AVL9: variants seen among roughly 807,000 people sequenced by gnomAD.
The protein encoded by AVL9 is late secretory pathway protein AVL9 homolog.
A neutral mutation model predicts 79.2 loss-of-function variants in AVL9; 49 were observed. That is an observed-to-expected ratio of 0.62 (90% CI 0.49 to 0.79). The LOEUF (loss-of-function observed/expected upper bound fraction) is 0.79, where lower values mean the gene tolerates loss of function less well. Among genes scored for constraint, AVL9 ranks in the 30% least tolerant of loss-of-function variants. The pLI, the probability that AVL9 is intolerant of heterozygous loss-of-function variation, is 0.00. For synonymous variants in AVL9, 299 were observed against 280.6 expected, an observed-to-expected ratio of 1.07 and a Z score of -0.65; for missense variants, 682 against 776.8, an observed-to-expected ratio of 0.88 and a Z score of 1.45.
At chr7:32,498,931 AGGCG>A (rs748185883) in intron 1 of AVL9, among the ~76,000 whole-genome samples, 77,708 of 77,730 alleles carry the variant, frequency 1, 38,843 homozygotes, top group Middle Eastern at 1. Flanking sequence ...TGGGAGGCCG[AGGCG>A]GGTGGATCAC....
intron 1 of AVL9, among the ~76,000 whole-genome samples, chr7:32,512,870 C>T (rs1384773451): frequency 2.0e-5 from 3 of 151,984 alleles, no homozygotes; most frequent in Non-Finnish European, 4.4e-5. Context: ...AGAATGAACT[C>T]GCTGATATCA....
chr7:32,504,862 G>A (rs1411722080), intron 1 of AVL9, among the ~76,000 whole-genome samples: 1 of 151,506 alleles, frequency 6.6e-6, no homozygotes, highest in Non-Finnish European at 1.5e-5. Context: ...TGTACACTAA[G>A]ATTTTTTATT....
At chr7:32,555,635 G>A (rs1000963117) in intron 8 of AVL9, among the ~76,000 whole-genome samples, 1 of 152,198 alleles carries the variant, frequency 6.6e-6, no homozygotes, top group African/African-American at 2.4e-5. Context: ...GAGTAGTTGT[G>A]ACAGACCATA....
intron 1 of AVL9, among the ~76,000 whole-genome samples, chr7:32,540,522 T>C (rs1789131908): frequency 6.6e-6 from 1 of 152,190 alleles, no homozygotes; most frequent in South Asian, 2.1e-4. Flanking sequence ...GTCATGCCTG[T>C]GGGAAGTTCA....
At chr7:32,538,528 A>G (rs1302626615) in intron 1 of AVL9, 1 of 151,912 alleles carries the variant, frequency 6.6e-6, no homozygotes, top group Non-Finnish European at 1.5e-5. Flanking sequence ...TATTCTTTTA[A>G]CTTTCTGTAA....
chr7:32,547,356 GAGTT>G (rs1466263343), intron 3 of AVL9, among the ~76,000 whole-genome samples: 5 of 152,178 alleles, frequency 3.3e-5, no homozygotes, highest in African/African-American at 1.2e-4. Flanking sequence ...CTAAAAAATG[GAGTT>G]AGTTATGTTC....
chr7:32,570,399 C>T (rs544448128), intron 11 of AVL9, among the ~76,000 whole-genome samples: 1 of 152,226 alleles, frequency 6.6e-6, no homozygotes, highest in East Asian at 1.9e-4. Context: ...GTGATTTGTA[C>T]AATATCAAAC....
intron 1 of AVL9, among the ~76,000 whole-genome samples, chr7:32,523,150 C>CAAAA (rs59565422): frequency 8.6e-5 from 7 of 81,272 alleles, no homozygotes; most frequent in Non-Finnish European, 1.2e-4. Flanking sequence ...GGTAATTAAC[C>CAAAA]AAAAAAAAAA....
At chr7:32,583,771 G>T (rs779947160) in intron 15 of AVL9, 21 bp from the exon 16 acceptor site, 5 of 1,520,714 alleles carry the variant, frequency 3.3e-6, no homozygotes, top group Admixed American at 3.6e-5. Flanking sequence ...TTTTCCTTTT[G>T]TTTTTCTCCT....
intron 2 of AVL9, among the ~76,000 whole-genome samples, chr7:32,543,896 TC>T (rs1554339804): frequency 1.1e-4 from 2 of 17,774 alleles, no homozygotes; most frequent in African/African-American, 3.3e-4. Context: ...CTATTGATTT[TC>T]TTTCTTTCTT....
At chr7:32,510,817 G>T (rs1787636364) in intron 1 of AVL9, among the ~76,000 whole-genome samples, 1 of 119,632 alleles carries the variant, frequency 8.4e-6, no homozygotes, top group African/African-American at 3.1e-5. Flanking sequence ...AACTGCCCCA[G>T]TATGAGGGAA....
intron 1 of AVL9, among the ~76,000 whole-genome samples, chr7:32,521,908 G>T (rs1788171956): frequency 6.6e-6 from 1 of 152,212 alleles, no homozygotes; most frequent in South Asian, 2.1e-4. Context: ...GCTGAAAGGG[G>T]CCAATGTACA....
At chr7:32,509,697 A>G (rs1787570969) in intron 1 of AVL9, among the ~76,000 whole-genome samples, 1 of 152,024 alleles carries the variant, frequency 6.6e-6, no homozygotes, top group Non-Finnish European at 1.5e-5. Flanking sequence ...TAAAAATACA[A>G]AAAATTAGCC....
chr7:32,503,339 T>TAG (rs1414747317), intron 1 of AVL9, among the ~76,000 whole-genome samples: 7 of 88,822 alleles, frequency 7.9e-5, no homozygotes, highest in African/African-American at 2.6e-4. Flanking sequence ...TATATCTATA[T>TAG]ATATAGATAT....
In AVL9 at chr7:32,512,849, T is replaced by G. The variant is rs151235620; in HGVS notation, c.93+17047T>G. On this transcript the variant is annotated intron_variant, in intron 1 of 15. Coordinates refer to ENST00000318709, the MANE Select transcript of AVL9 (RefSeq NM_015060.3). ...AATTGGTTAAAACTAATATGGCCAA[T>G]GAATATATGTAGAATGAACTCGCTG... Among the ~76,000 whole-genome samples, 66 of 152,232 alleles carry G rather than the reference T, an allele frequency of 4.3e-4. 1 individual carries two copies. The highest frequency in any genetic ancestry group is 1.5e-3 in the African/African-American group (63 of 41,538).
At chr7:32,547,360 T>G (rs534809212) in intron 3 of AVL9, among the ~76,000 whole-genome samples, 26 of 152,226 alleles carry the variant, frequency 1.7e-4, no homozygotes, top group African/African-American at 3.6e-4. Flanking sequence ...AAAATGGAGT[T>G]AGTTATGTTC....
intron 1 of AVL9, among the ~76,000 whole-genome samples, chr7:32,504,558 G>C (rs901127423): frequency 3.3e-5 from 5 of 152,170 alleles, no homozygotes; most frequent in African/African-American, 9.7e-5. Context: ...GCTGGGGCAA[G>C]TTGCCTAATG....
chr7:32,556,485 G>A (rs181975932), intron 8 of AVL9, among the ~76,000 whole-genome samples: 2 of 151,732 alleles, frequency 1.3e-5, no homozygotes, highest in East Asian at 2.0e-4. Context: ...CTGCACTCTA[G>A]CCTGGGTGAC....
At chr7:32,500,942 T>G (rs1006066353) in intron 1 of AVL9, among the ~76,000 whole-genome samples, 3 of 152,294 alleles carry the variant, frequency 2.0e-5, no homozygotes, top group Admixed American at 2.0e-4. Flanking sequence ...TTGTGAGACC[T>G]CTGTTCTGTC....
Sources: allele counts gnomAD v4.1 joint callset (sites outside exome capture counted in the v4.1 genomes callset), GRCh38; gene constraint gnomAD v4.1.1; transcripts MANE v1.5; gene names NCBI Gene and HGNC (gene_info 2026-07-23, HGNC 2026-07-21).